Variants in CSMD1 observed in about 807,000 individuals in gnomAD.
CSMD1 encodes the protein CUB and sushi domain-containing protein 1.
CSMD1 carries 213 observed loss-of-function variants against 417.5 expected under a neutral mutation model. The ratio of observed to expected loss-of-function variants is 0.51; its 90% CI spans 0.46 to 0.57. CSMD1 has a LOEUF of 0.57. Among genes scored for constraint, CSMD1 ranks in the 20% least tolerant of loss-of-function variants. CSMD1 has a pLI of 0.00. For synonymous variants in CSMD1, 2,862 were observed against 1,736.8 expected (o/e 1.65, Z -16.11); for missense variants, 6,923 against 4,529.7 (o/e 1.53, Z -15.17).
intron 1 of CSMD1, among the ~76,000 whole-genome samples, chr8:4,920,193 C>T (rs998414562): frequency 6.6e-6 from 1 of 152,064 alleles, no homozygotes; most frequent in East Asian, 1.9e-4. Context: ...GAGTCTTATG[C>T]TAATGAACCA....
At chr8:3,254,682 A>T (rs1367837363) in intron 26 of CSMD1, among the ~76,000 whole-genome samples, 1 of 151,998 alleles carries the variant, frequency 6.6e-6, no homozygotes, top group African/African-American at 2.4e-5. Flanking sequence ...AGACTTGTGC[A>T]TTTGTCACTT....
At chr8:4,054,425 C>A (rs779354102) in intron 3 of CSMD1, among the ~76,000 whole-genome samples, 1 of 152,116 alleles carries the variant, frequency 6.6e-6, no homozygotes, top group East Asian at 1.9e-4. Context: ...CATCATACCC[C>A]TAAACTCTTG....
chr8:4,470,994 C>T (rs1311984318), intron 2 of CSMD1, among the ~76,000 whole-genome samples: 1 of 152,192 alleles, frequency 6.6e-6, no homozygotes, highest in Non-Finnish European at 1.5e-5. Context: ...TTGAGCATTA[C>T]ATACTTTTTA....
intron 15 of CSMD1, among the ~76,000 whole-genome samples, chr8:3,401,267 G>C (rs900379158): frequency 6.6e-6 from 1 of 152,080 alleles, no homozygotes; most frequent in Admixed American, 6.5e-5. Flanking sequence ...TTATTTCTAT[G>C]TGTGAATTTC....
chr8:3,575,165 C>G, intron 9 of CSMD1, 99 bp from the exon 10 acceptor site: 1 of 984,742 alleles, frequency 1.0e-6, no homozygotes, highest in Non-Finnish European at 1.3e-6. Context: ...ATTATCTAAT[C>G]ACAGTAAAAA....
intron 18 of CSMD1, among the ~76,000 whole-genome samples, chr8:3,382,215 T>C (rs1810673582): frequency 6.6e-6 from 1 of 151,832 alleles, no homozygotes. Flanking sequence ...GCCGAGATCC[T>C]GTCACTGTGC....
At chr8:3,077,652 C>G (rs1397585646) in intron 49 of CSMD1, among the ~76,000 whole-genome samples, 1 of 152,260 alleles carries the variant, frequency 6.6e-6, no homozygotes, top group Non-Finnish European at 1.5e-5. Context: ...TAGCCTGAGG[C>G]TTATGCCTGC....
rs1487354067 is a variant in CSMD1 at position 4,139,309 on chromosome 8, T to C, written c.416-107210A>G. On this transcript the variant is annotated intron_variant, in intron 3 of 69. Transcript: ENST00000635120. The stretch of plus-strand genomic sequence containing the variant: ...ACCCTGTGTCTTACAGCTGTCGTTA[T>C]ACTTATACGAAAATTTATTACAAAC... Among the ~76,000 whole-genome samples the C allele has an allele frequency of 2.0e-5, 3 of 152,170 alleles. No homozygotes were observed. In the East Asian group the frequency reaches 5.8e-4, roughly 29 times the overall value.
At chr8:3,172,936 C>A (rs771394063) in intron 37 of CSMD1, among the ~76,000 whole-genome samples, 12 of 152,140 alleles carry the variant, frequency 7.9e-5, no homozygotes, top group African/African-American at 1.2e-4. Flanking sequence ...AAGTACGTGA[C>A]GTTACTGATA....
chr8:4,707,340 G>A (rs1296081302), intron 1 of CSMD1, among the ~76,000 whole-genome samples: 1 of 152,120 alleles, frequency 6.6e-6, no homozygotes, highest in South Asian at 2.1e-4. Flanking sequence ...TCACAAAGGA[G>A]AGCTGGGACA....
chr8:4,747,034 G>T lies in CSMD1; in HGVS notation c.86-109476C>A, dbSNP rs115381755. 3.6e-3 allele frequency among the ~76,000 whole-genome samples: 541 copies of T among 152,248 alleles called. 1 individual carries two copies. The highest frequency in any genetic ancestry group is 0.012 in the African/African-American group (514 of 41,542). ...GCGGTTCAGAGAAGCCACTGAGTAG[G>T]GAGGGCCTCCCCACCAGAATGGATC... On this transcript the variant is annotated intron_variant, in intron 1 of 69. Transcript: ENST00000635120.
chr8:4,003,878 G>A (rs184964263), intron 4 of CSMD1, among the ~76,000 whole-genome samples: 122 of 152,122 alleles, frequency 8.0e-4, no homozygotes, highest in Middle Eastern at 3.4e-3. Context: ...GTGATAAAAT[G>A]TTTGTTTTTG....
chr8:4,651,534 A>C (rs1319262464), intron 1 of CSMD1, among the ~76,000 whole-genome samples: 1 of 152,192 alleles, frequency 6.6e-6, no homozygotes, highest in East Asian at 1.9e-4. Context: ...TGGTTTCTCT[A>C]ATCAGAGTCA....
chr8:3,085,826 G>A (rs758776658), intron 49 of CSMD1, among the ~76,000 whole-genome samples: 20 of 152,154 alleles, frequency 1.3e-4, no homozygotes, highest in Non-Finnish European at 2.5e-4. Context: ...AGATGGACTA[G>A]CATGTGCCTG....
At chr8:4,785,322 G>A (rs1028775135) in intron 1 of CSMD1, among the ~76,000 whole-genome samples, 1 of 152,168 alleles carries the variant, frequency 6.6e-6, no homozygotes, top group African/African-American at 2.4e-5. Context: ...CAAAGCATTG[G>A]TGGAAGACTT....
At chr8:4,391,933 G>T (rs1803874876) in intron 3 of CSMD1, among the ~76,000 whole-genome samples, 2 of 152,182 alleles carry the variant, frequency 1.3e-5, no homozygotes, top group South Asian at 4.1e-4. Context: ...CTCCCATGAA[G>T]AATACTGAGA....
intron 3 of CSMD1, among the ~76,000 whole-genome samples, chr8:4,286,566 G>A (rs1223085909): frequency 2.6e-5 from 4 of 152,026 alleles, no homozygotes; most frequent in African/African-American, 7.2e-5. Context: ...TGATCACGAG[G>A]ACACCCAAAA....
chr8:4,499,303 G>A (rs1802132941), intron 2 of CSMD1, among the ~76,000 whole-genome samples: 1 of 152,310 alleles, frequency 6.6e-6, no homozygotes, highest in Non-Finnish European at 1.5e-5. Context: ...CATGAAAAAC[G>A]CTTGGGATTA....
intron 3 of CSMD1, among the ~76,000 whole-genome samples, chr8:4,179,732 GAAA>G (rs1388697907): frequency 3.1e-5 from 3 of 95,250 alleles, no homozygotes; most frequent in African/African-American, 4.3e-5. Context: ...AAATTTACAA[GAAA>G]AAAACAAACA....
Sources: gnomAD v4.1 joint callset for allele counts (sites outside exome capture counted in the v4.1 genomes callset) on GRCh38, gnomAD v4.1.1 for gene constraint, MANE v1.5 for transcripts, NCBI Gene and HGNC (gene_info 2026-07-23, HGNC 2026-07-21) for gene names.